The following ADAMTS3 variants were observed in gnomAD, a reference collection of about 807,000 sequenced individuals.
ADAMTS3 encodes A disintegrin and metalloproteinase with thrombospondin motifs 3.
A neutral mutation model predicts 129.0 loss-of-function variants in ADAMTS3; 73 were observed. That is an observed-to-expected ratio of 0.57 (90% CI 0.47 to 0.69). ADAMTS3 has a LOEUF of 0.69. ADAMTS3 is among the 30% of genes least tolerant of loss of function. ADAMTS3 has a pLI of 0.00. For missense variants in ADAMTS3, 1,457 were observed against 1,514.5 expected, an observed-to-expected ratio of 0.96 and a Z score of 0.63; for synonymous variants, 477 against 510.8, an observed-to-expected ratio of 0.93 and a Z score of 0.89.
intron 21 of ADAMTS3, among the ~76,000 whole-genome samples, chr4:72,284,011 G>T (rs1016623534): frequency 6.6e-6 from 1 of 152,094 alleles, no homozygotes; most frequent in African/African-American, 2.4e-5. Flanking sequence ...AATGGGCAAA[G>T]ATAATTTATT....
chr4:72,569,001 T>G lies in ADAMTS3; in HGVS notation c.-239A>C. The G allele has an allele frequency of 3.5e-6, 2 of 566,860 alleles. No homozygotes were observed. The highest frequency in any genetic ancestry group is 6.3e-5 in the Admixed American group (2 of 31,608). The allele number at this position is 566,860 out of a possible 1,614,324, so 35.1% of individuals were successfully genotyped here. ...CTCACCCCGTCCTCCCAACACAGAGTGTGCAGGAGCGAGAAGGTGCTGTAA... is the reference window on the plus strand; with the variant it reads ...CTCACCCCGTCCTCCCAACACAGAGGGTGCAGGAGCGAGAAGGTGCTGTAA... On this transcript the variant is annotated 5_prime_UTR_variant, in exon 1 of 22. Transcript: ENST00000286657.
intron 3 of ADAMTS3, among the ~76,000 whole-genome samples, chr4:72,478,990 C>T (rs1316184601): frequency 2.1e-4 from 32 of 152,034 alleles, no homozygotes; most frequent in South Asian, 6.2e-4. Flanking sequence ...TTACAAGGGA[C>T]GTGAAGGACC....
At chr4:72,493,915 A>G (rs528961323) in intron 3 of ADAMTS3, among the ~76,000 whole-genome samples, 1 of 152,146 alleles carries the variant, frequency 6.6e-6, no homozygotes, top group African/African-American at 2.4e-5. Flanking sequence ...ACTCCTGGAC[A>G]GCTAAAAAAA....
At chr4:72,533,003 T>C (rs886850910) in intron 3 of ADAMTS3, among the ~76,000 whole-genome samples, 9 of 152,148 alleles carry the variant, frequency 5.9e-5, no homozygotes, top group Non-Finnish European at 1.0e-4. Context: ...CTACACTAAA[T>C]TTATTTTAAA....
Position 72,549,272 on chromosome 4 carries a change from G to C in ADAMTS3, c.98-388C>G, listed in dbSNP as rs547901621. Among the ~76,000 whole-genome samples the C allele has an allele frequency of 2.6e-5, 4 of 152,184 alleles. No individual in the cohort carries two copies. In the South Asian group the frequency reaches 8.3e-4, roughly 32 times the overall value. On this transcript the variant is annotated intron_variant, in intron 2 of 21. Transcript: ENST00000286657. ...TAAAAACTTTTAACAAGGTTATTATGTAGAAAAAAGAATTCTGATTGTTTT... is the reference window on the plus strand; with the variant it reads ...TAAAAACTTTTAACAAGGTTATTATCTAGAAAAAAGAATTCTGATTGTTTT...
chr4:72,554,905 T>C (rs573359235), intron 2 of ADAMTS3, among the ~76,000 whole-genome samples: 3 of 151,938 alleles, frequency 2.0e-5, no homozygotes, highest in Admixed American at 1.3e-4. Context: ...TTAGCTCTTA[T>C]CTGTAAATTA....
intron 3 of ADAMTS3, among the ~76,000 whole-genome samples, chr4:72,428,869 C>A (rs1722631924): frequency 2.0e-5 from 3 of 151,968 alleles, no homozygotes; most frequent in Non-Finnish European, 4.4e-5. Flanking sequence ...CTGCTCCCTG[C>A]CAATATCCCG....
At chr4:72,511,113 T>C (rs193296979) in intron 3 of ADAMTS3, among the ~76,000 whole-genome samples, 72 of 152,244 alleles carry the variant, frequency 4.7e-4, no homozygotes, top group Admixed American at 9.8e-4. Context: ...TCTCTCCATA[T>C]GCAAAAATCA....
intron 4 of ADAMTS3, among the ~76,000 whole-genome samples, chr4:72,361,749 T>C (rs930409861): frequency 7.2e-5 from 11 of 152,196 alleles, no homozygotes; most frequent in African/African-American, 2.4e-4. Flanking sequence ...TCCCAGTCAG[T>C]TCACCCCTGG....
At chr4:72,543,461 T>C (rs1578781196) in intron 3 of ADAMTS3, among the ~76,000 whole-genome samples, 1 of 152,004 alleles carries the variant, frequency 6.6e-6, no homozygotes, top group African/African-American at 2.4e-5. Flanking sequence ...GTGGAAGCAA[T>C]CCAAGTGTCT....
At position 72,305,860 on chromosome 4, in the gene ADAMTS3, G is replaced by A. The variant is rs537754455; in HGVS notation, c.2260+127C>T. ...TGCACATGTACGTACATATACGTAT[G>A]CACATGTATGTACATATACGTATGC... On this transcript the variant is annotated intron_variant, in intron 16 of 21. Coordinates refer to ENST00000286657, the MANE Select transcript of ADAMTS3 (RefSeq NM_014243.3). The A allele has an allele frequency of 1.2e-5, 9 of 779,656 alleles. No homozygotes were observed. In the South Asian group the frequency reaches 1.4e-4, roughly 12 times the overall value. 48.3% of individuals were successfully genotyped at this position (779,656 alleles called of 1,614,324 possible). A position where few individuals can be genotyped will look rare whatever the true frequency, so the allele number is the denominator to read the frequency against.
intron 3 of ADAMTS3, among the ~76,000 whole-genome samples, chr4:72,512,660 C>G (rs955863830): frequency 6.6e-6 from 1 of 152,114 alleles, no homozygotes; most frequent in African/African-American, 2.4e-5. Context: ...AACCCATTTT[C>G]TATAATGTGC....
At chr4:72,292,150 C>T (rs114274802) in intron 19 of ADAMTS3, among the ~76,000 whole-genome samples, 2 of 152,162 alleles carry the variant, frequency 1.3e-5, no homozygotes, top group African/African-American at 2.4e-5. Context: ...GACACACTTA[C>T]GATTTCTTTA....
chr4:72,497,679 A>G lies in ADAMTS3; in HGVS notation c.504+50799T>C, dbSNP rs182166688. ...AAAGATCTGAAACTAAAGCCCTAAT[A>G]TTTAAAATATAACAAAGCTGCCTCC... On this transcript the variant is annotated intron_variant, in intron 3 of 21. Coordinates refer to ENST00000286657, the MANE Select transcript of ADAMTS3 (RefSeq NM_014243.3). Among the ~76,000 whole-genome samples the G allele has an allele frequency of 2.8e-3, 425 of 151,840 alleles. 4 individuals are homozygous for G. Among genetic ancestry groups the G allele is most frequent in the African/African-American group, 1.0e-2 (413 of 41,506 alleles).
intron 4 of ADAMTS3, among the ~76,000 whole-genome samples, chr4:72,359,675 G>T (rs1578612848): frequency 6.6e-6 from 1 of 151,802 alleles, no homozygotes; most frequent in Non-Finnish European, 1.5e-5. Context: ...CATTTTTGAG[G>T]ATATTACAGT....
At chr4:72,472,573 TC>T (rs749067002) in intron 3 of ADAMTS3, among the ~76,000 whole-genome samples, 1 of 152,134 alleles carries the variant, frequency 6.6e-6, no homozygotes, top group Non-Finnish European at 1.5e-5. Context: ...GACAATGTCA[TC>T]TTGTCCGTTC....
intron 3 of ADAMTS3, among the ~76,000 whole-genome samples, chr4:72,448,373 A>T (rs1401053479): frequency 6.6e-6 from 1 of 151,800 alleles, no homozygotes; most frequent in Admixed American, 6.6e-5. Context: ...TAATTTTCTT[A>T]CATAATTCAG....
intron 19 of ADAMTS3, among the ~76,000 whole-genome samples, chr4:72,293,612 T>C (rs999637870): frequency 6.6e-6 from 1 of 152,114 alleles, no homozygotes; most frequent in Admixed American, 6.6e-5. Flanking sequence ...TTGAGGCTCT[T>C]TCAATAAAAT....
chr4:72,427,382 C>G (rs1425339427), intron 3 of ADAMTS3, among the ~76,000 whole-genome samples: 1 of 152,116 alleles, frequency 6.6e-6, no homozygotes, highest in South Asian at 2.1e-4. Flanking sequence ...ACACTTCTTT[C>G]CAAGTCTCTG....
Sources: gnomAD v4.1 joint callset for allele counts (sites outside exome capture counted in the v4.1 genomes callset) on GRCh38, gnomAD v4.1.1 for gene constraint, MANE v1.5 for transcripts, NCBI Gene and HGNC (gene_info 2026-07-23, HGNC 2026-07-21) for gene names.